Variants in CDC16 observed in about 807,000 individuals in gnomAD.
The protein encoded by CDC16 is cell division cycle 16, also known as cell division cycle protein 16 homolog.
Under a neutral mutation model 87.0 loss-of-function variants are expected in CDC16, and 34 were observed. The observed-to-expected ratio is 0.39, with a 90% CI of 0.30 to 0.52. The LOEUF (loss-of-function observed/expected upper bound fraction) is 0.52. Ranked by LOEUF, CDC16 falls within the 20% of genes least tolerant of loss-of-function variation. CDC16 has a pLI of 0.74. For synonymous variants in CDC16, 263 were observed against 260.6 expected, an observed-to-expected ratio of 1.01 and a Z score of -0.09; for missense variants, 653 against 751.9, an observed-to-expected ratio of 0.87 and a Z score of 1.54.
intron 13 of CDC16, among the ~76,000 whole-genome samples, chr13:114,259,114 A>AG (rs1036285240): frequency 1.3e-5 from 2 of 150,450 alleles, no homozygotes; most frequent in Admixed American, 1.3e-4. Context: ...AAAAAAAAAA[A>AG]GGAATATAAA....
chr13:114,250,436 G>A (rs931230435), intron 11 of CDC16, 113 bp from the exon 12 acceptor site: 33 of 923,170 alleles, frequency 3.6e-5, no homozygotes, highest in Non-Finnish European at 1.4e-5. Flanking sequence ...AGGCTGCAGA[G>A]AGCCGAGATC....
At chr13:114,268,941 G>C (rs1594698561) in intron 17 of CDC16, among the ~76,000 whole-genome samples, 1 of 152,230 alleles carries the variant, frequency 6.6e-6, no homozygotes, top group East Asian at 1.9e-4. Context: ...TTCACTGCTG[G>C]TGGGTTATAA....
chr13:114,238,969 A>G, intron 3 of CDC16, 21 bp from the exon 4 acceptor site: 2 of 1,607,030 alleles, frequency 1.2e-6, no homozygotes, highest in African/African-American at 1.3e-5. Context: ...CACTACTTAA[A>G]CAAATTAATT....
Position 114,239,163 on chromosome 13 carries a change from T to C in CDC16, c.240+135T>C, listed in dbSNP as rs925086705. 12 of 1,423,554 alleles carry C rather than the reference T, an allele frequency of 8.4e-6. No individual in the cohort carries two copies. In the Admixed American group the frequency reaches 2.6e-4, roughly 31 times the overall value. The allele number at this position is 1,423,554 out of a possible 1,614,324, so 88.2% of individuals were successfully genotyped here. On this transcript the variant is annotated intron_variant, in intron 4 of 17. Transcript: ENST00000356221. ...ATTTCATGAGGAAGTGTTCCTTTCC[T>C]TAGTCATGTTTGCTATAAAATACTG...
At chr13:114,265,109 T>C in intron 16 of CDC16, 41 bp from the exon 17 acceptor site, 1 of 1,351,402 alleles carries the variant, frequency 7.4e-7, no homozygotes, top group Non-Finnish European at 1.1e-6. Context: ...GAGAAGGAAA[T>C]ATGTTTTCTT....
intron 7 of CDC16, 29 bp from the exon 8 acceptor site, chr13:114,243,827 G>A: frequency 6.3e-7 from 1 of 1,581,866 alleles, no homozygotes; most frequent in East Asian, 2.3e-5. Flanking sequence ...TGCTCATTGA[G>A]TTTATGTTTA....
At chr13:114,245,070 G>A (rs2138928888) in intron 9 of CDC16, 101 bp downstream of exon 9, 1 of 656,388 alleles carries the variant, frequency 1.5e-6, no homozygotes, top group South Asian at 2.0e-5. Context: ...TGAGATTGCA[G>A]GTAACAACAT....
At chr13:114,236,738 T>G in intron 2 of CDC16, 39 bp downstream of exon 2, 2 of 1,613,708 alleles carry the variant, frequency 1.2e-6, no homozygotes, top group Non-Finnish European at 1.7e-6. Context: ...TGATTAATCT[T>G]AAAATTCGTT....
chr13:114,261,759 C>T (rs1298317662), intron 14 of CDC16, 128 bp from the exon 15 acceptor site: 18 of 587,634 alleles, frequency 3.1e-5, no homozygotes, highest in Non-Finnish European at 3.7e-5. Context: ...TTACCCTGGC[C>T]TTGTGGTGTG....
At chr13:114,260,228 G>A (rs1300801799) in intron 14 of CDC16, among the ~76,000 whole-genome samples, 1 of 152,162 alleles carries the variant, frequency 6.6e-6, no homozygotes, top group Non-Finnish European at 1.5e-5. Context: ...TGTCCCCATA[G>A]ACACAGCTTT....
At chr13:114,240,788 A>G (rs2081508507) in intron 5 of CDC16, among the ~76,000 whole-genome samples, 2 of 151,874 alleles carry the variant, frequency 1.3e-5, no homozygotes, top group African/African-American at 2.4e-5. Flanking sequence ...TCATTAATGT[A>G]TGTGTTGGGA....
At chr13:114,272,155 T>C in intron 17 of CDC16, 29 bp from the exon 18 acceptor site, 1 of 1,257,258 alleles carries the variant, frequency 8.0e-7, no homozygotes, top group Non-Finnish European at 1.1e-6. Context: ...AATTTCTTAT[T>C]TTATTCTAAT....
chr13:114,257,165 G>C lies in CDC16; in HGVS notation c.1185G>C (p.Leu395=). Residue 395 remains leucine, a synonymous_variant, in exon 13 of 18, where the codon CTG becomes CTC. Transcript: ENST00000356221. The part of the protein sequence containing the change: ...KLAERFFSQA[L]SIAPEDPFVM... Reference sequence around the variant, plus strand: ...CTGAAAGGTTCTTCAGCCAAGCTCTGAGCATTGCACCGGAAGACCCTTTTG... The same window carrying C: ...CTGAAAGGTTCTTCAGCCAAGCTCTCAGCATTGCACCGGAAGACCCTTTTG... 2 of 1,613,534 alleles carry C rather than the reference G, an allele frequency of 1.2e-6. No homozygotes were observed. Among genetic ancestry groups the C allele is most frequent in the East Asian group, 2.2e-5 (1 of 44,878 alleles).
chr13:114,243,708 A>T (rs1300827175), intron 7 of CDC16, 148 bp from the exon 8 acceptor site: 1 of 595,732 alleles, frequency 1.7e-6, no homozygotes, highest in African/African-American at 1.9e-5. Flanking sequence ...TGAGAGGAGT[A>T]CTTATAAAAC....
In CDC16 at chr13:114,259,316, T is replaced by A. The variant is rs2082700775; in HGVS notation, c.1251-19T>A. On this transcript the variant is annotated intron_variant, in intron 13 of 17. Coordinates refer to ENST00000356221, the MANE Select transcript of CDC16 (RefSeq NM_001078645.3). ...TGCTAATTTCGAATAATCTGCAACC[T>A]TTTTTCCTTTCATTTTAGATGGAAA... 5 of 1,553,282 alleles carry A rather than the reference T, an allele frequency of 3.2e-6. No homozygotes were observed. The highest frequency in any genetic ancestry group is 2.6e-6 in the Non-Finnish European group (3 of 1,156,974).
chr13:114,247,050 G>T, intron 11 of CDC16, 46 bp downstream of exon 11: 2 of 1,208,334 alleles, frequency 1.7e-6, no homozygotes, highest in Non-Finnish European at 2.5e-6. Context: ...TAGAATTGAT[G>T]TCTTGCTCAT....
rs146467788 is a variant in CDC16 at position 114,243,586 on chromosome 13, T to C, written c.633+238T>C. On this transcript the variant is annotated intron_variant, in intron 7 of 17. Coordinates refer to ENST00000356221, the MANE Select transcript of CDC16 (RefSeq NM_001078645.3). ...AATTACCAAGTAAATGTAAATGGAATGGTGTTGCATGGAAATGAAGATTTT... is the reference window on the plus strand; with the variant it reads ...AATTACCAAGTAAATGTAAATGGAACGGTGTTGCATGGAAATGAAGATTTT... Among the ~76,000 whole-genome samples the C allele has an allele frequency of 9.7e-3, 1,480 of 152,156 alleles. 21 individuals are homozygous for C. Among genetic ancestry groups the C allele is most frequent in the African/African-American group, 0.034 (1,406 of 41,514 alleles).
chr13:114,263,018 TG>T lies in CDC16; in HGVS notation c.1512+5del. On this transcript the variant is annotated splice_donor_5th_base_variant and intron_variant, in intron 16 of 17. Transcript: ENST00000356221. ...TGCTGTGGACTACTTCCACACAGTA[TG>T]TCTTTTCTTTGTACCTAATTTTAAA... 6.2e-7 allele frequency: 1 copy of T among 1,613,070 alleles called. No individual in the cohort carries two copies. The highest frequency in any genetic ancestry group is 1.3e-5 in the African/African-American group (1 of 75,034).
rs1364202961 is a variant in CDC16, at chr13:114,234,989, C to T, written c.-96C>T. 1.7e-5 allele frequency: 17 copies of T among 1,029,400 alleles called. No homozygotes were observed. Among genetic ancestry groups the T allele is most frequent in the Non-Finnish European group, 2.1e-5 (17 of 804,364 alleles). 63.8% of individuals were successfully genotyped at this position (1,029,400 alleles called of 1,614,324 possible). On this transcript the variant is annotated 5_prime_UTR_variant, in exon 1 of 18. Transcript: ENST00000356221. ...TCGAGTCCTGGGGCGGCGGCGGCGG[C>T]TGCAGGCACGGGCACGGGCACGGGG...
Sources: allele counts gnomAD v4.1 joint callset (sites outside exome capture counted in the v4.1 genomes callset), GRCh38; gene constraint gnomAD v4.1.1; transcripts MANE v1.5; gene names NCBI Gene and HGNC (gene_info 2026-07-23, HGNC 2026-07-21).